The following RBFOX1 variants were observed in gnomAD, a reference collection of about 807,000 sequenced individuals.
The protein encoded by RBFOX1 is RNA binding fox-1 homolog 1, also known as RNA binding protein fox-1 homolog 1.
In RBFOX1, 8 loss-of-function variants were observed where a neutral mutation model predicts 57.7. The observed-to-expected ratio is 0.14, with a 90% CI of 0.08 to 0.25. The LOEUF is 0.25. Ranked by LOEUF, RBFOX1 falls within the 10% of genes least tolerant of loss-of-function variation. The pLI is 1.00. For synonymous variants in RBFOX1, 326 were observed against 222.4 expected (o/e 1.47, Z -4.15); for missense variants, 611 against 548.5 (o/e 1.11, Z -1.14).
intron 4 of RBFOX1, among the ~76,000 whole-genome samples, chr16:7,444,746 G>A (rs2098795469): frequency 6.6e-6 from 1 of 152,080 alleles, no homozygotes; most frequent in Non-Finnish European, 1.5e-5. Flanking sequence ...TGCCCAGGCT[G>A]GTCCTGAACC....
intron 1 of RBFOX1, among the ~76,000 whole-genome samples, chr16:5,424,572 G>A (rs1323975264): frequency 6.6e-6 from 1 of 151,832 alleles, no homozygotes; most frequent in Non-Finnish European, 1.5e-5. Flanking sequence ...AACGCATGCA[G>A]GGCTTAATAC....
intron 4 of RBFOX1, among the ~76,000 whole-genome samples, chr16:7,070,691 T>A (rs1289303421): frequency 6.6e-6 from 1 of 152,210 alleles, no homozygotes; most frequent in Non-Finnish European, 1.5e-5. Flanking sequence ...GAGCACAGCT[T>A]TAGTAATAAT....
intron 3 of RBFOX1, among the ~76,000 whole-genome samples, chr16:6,762,953 C>A (rs150287040): frequency 1.2e-4 from 18 of 152,156 alleles, no homozygotes; most frequent in African/African-American, 3.6e-4. Flanking sequence ...GTAGGAGTTC[C>A]CCAAATGAAG....
intron 3 of RBFOX1, among the ~76,000 whole-genome samples, chr16:6,803,058 A>G (rs2085870430): frequency 6.6e-6 from 1 of 152,144 alleles, no homozygotes; most frequent in African/African-American, 2.4e-5. Flanking sequence ...TGAACTCAAA[A>G]TGTTACTTTG....
chr16:6,421,233 C>A (rs1043195561), intron 2 of RBFOX1, among the ~76,000 whole-genome samples: 1 of 152,278 alleles, frequency 6.6e-6, no homozygotes, highest in South Asian at 2.1e-4. Flanking sequence ...CGGGAGGGGA[C>A]AGAGGGCAGC....
intron 2 of RBFOX1, among the ~76,000 whole-genome samples, chr16:6,598,367 A>C (rs1455639570): frequency 1.3e-5 from 2 of 152,168 alleles, no homozygotes; most frequent in Admixed American, 6.5e-5. Flanking sequence ...ATACTCTCCT[A>C]TTAGTAGATG....
chr16:7,022,089 G>T (rs1389929091), intron 3 of RBFOX1, among the ~76,000 whole-genome samples: 4 of 112,444 alleles, frequency 3.6e-5, no homozygotes, highest in African/African-American at 1.5e-4. Flanking sequence ...TTTCCACAGG[G>T]TCTCACTGTG....
intron 1 of RBFOX1, among the ~76,000 whole-genome samples, chr16:6,192,374 A>G (rs998174298): frequency 2.0e-5 from 3 of 152,108 alleles, no homozygotes; most frequent in Non-Finnish European, 2.9e-5. Flanking sequence ...GGCAGATAAG[A>G]TGAATAATGT....
At chr16:7,049,267 CAAGAG>C (rs1373913869) in intron 3 of RBFOX1, among the ~76,000 whole-genome samples, 2 of 151,958 alleles carry the variant, frequency 1.3e-5, no homozygotes, top group African/African-American at 4.8e-5. Flanking sequence ...GGCAAAGTGT[CAAGAG>C]AAGAGAGGAA....
At chr16:6,594,905 C>G (rs1029391780) in intron 2 of RBFOX1, among the ~76,000 whole-genome samples, 3 of 152,156 alleles carry the variant, frequency 2.0e-5, no homozygotes, top group Admixed American at 2.0e-4. Flanking sequence ...TCTCCTGGCT[C>G]AGCGTCTGGA....
chr16:7,263,118 A>G (rs2094985417), intron 4 of RBFOX1, among the ~76,000 whole-genome samples: 1 of 152,200 alleles, frequency 6.6e-6, no homozygotes, highest in South Asian at 2.1e-4. Context: ...TCACTCAGCA[A>G]ATGAGAAATT....
chr16:5,497,919 A>C (rs575823598), intron 2 of RBFOX1, among the ~76,000 whole-genome samples: 5 of 152,310 alleles, frequency 3.3e-5, no homozygotes, highest in Admixed American at 3.3e-4. Flanking sequence ...GTGGACGCAT[A>C]AAAGATGAGG....
intron 3 of RBFOX1, among the ~76,000 whole-genome samples, chr16:5,727,714 G>T (rs1469350726): frequency 6.6e-6 from 1 of 152,088 alleles, no homozygotes; most frequent in Non-Finnish European, 1.5e-5. Flanking sequence ...TTAGAGACAA[G>T]GTCTTACCTT....
chr16:6,605,238 AAAT>A (rs942748583), intron 2 of RBFOX1, among the ~76,000 whole-genome samples: 1 of 149,760 alleles, frequency 6.7e-6, no homozygotes, highest in African/African-American at 2.5e-5. Context: ...TCTCAAAATA[AAAT>A]AATAATTTAT....
At chr16:5,816,696 A>G (rs933832186) in intron 3 of RBFOX1, among the ~76,000 whole-genome samples, 1 of 152,038 alleles carries the variant, frequency 6.6e-6, no homozygotes, top group African/African-American at 2.4e-5. Flanking sequence ...AGGTGGGAGG[A>G]TTGTTTGAGC....
chr16:7,061,335 A>G (rs1405176603), intron 4 of RBFOX1, among the ~76,000 whole-genome samples: 2 of 152,184 alleles, frequency 1.3e-5, no homozygotes, highest in African/African-American at 2.4e-5. Flanking sequence ...AGTCTTTGCA[A>G]GAACATTAAT....
chr16:5,817,688 T>G (rs1046531999), intron 3 of RBFOX1, among the ~76,000 whole-genome samples: 9 of 144,254 alleles, frequency 6.2e-5, no homozygotes, highest in Admixed American at 1.4e-4. Context: ...GTGATGGGTC[T>G]TGTGGGCTGT....
At chr16:5,847,486 G>A (rs1367875450) in intron 3 of RBFOX1, among the ~76,000 whole-genome samples, 2 of 152,286 alleles carry the variant, frequency 1.3e-5, no homozygotes, top group Non-Finnish European at 2.9e-5. Flanking sequence ...AGTGCCATTT[G>A]CAAAGAAAAA....
chr16:6,565,548 C>T lies in RBFOX1; in HGVS notation c.-63-89055C>T, dbSNP rs192626602. On this transcript the variant is annotated intron_variant, in intron 2 of 15. Coordinates refer to ENST00000550418, the MANE Select transcript of RBFOX1 (RefSeq NM_018723.4). Reference sequence around the variant, plus strand: ...CTCGGATTACAGGTGTGAGTCACTGCGCCCAGCTCCCAGATTCAAGCCGAT... The same window carrying T: ...CTCGGATTACAGGTGTGAGTCACTGTGCCCAGCTCCCAGATTCAAGCCGAT... 2.4e-3 allele frequency among the ~76,000 whole-genome samples: 359 copies of T among 151,830 alleles called. 8 individuals carry two copies. The South Asian group carries it at 0.039, about 17-fold the overall frequency.
Sources: gnomAD v4.1 joint callset for allele counts (sites outside exome capture counted in the v4.1 genomes callset) on GRCh38, gnomAD v4.1.1 for gene constraint, MANE v1.5 for transcripts, NCBI Gene and HGNC (gene_info 2026-07-23, HGNC 2026-07-21) for gene names.